The following COL26A1 variants were observed in gnomAD, a reference collection of about 807,000 sequenced individuals.
The protein encoded by COL26A1 is collagen alpha-1(XXVI) chain.
A neutral mutation model predicts 59.3 loss-of-function variants in COL26A1; 41 were observed. The ratio of observed to expected loss-of-function variants is 0.69; its 90% confidence interval spans 0.54 to 0.90. The LOEUF is 0.90. Ranked by LOEUF, COL26A1 falls within the 40% of genes least tolerant of loss-of-function variation. COL26A1 has a pLI of 0.00. For synonymous variants in COL26A1, 266 were observed against 256.0 expected, an observed-to-expected ratio of 1.04 and a Z score of -0.37; for missense variants, 612 against 602.3, an observed-to-expected ratio of 1.02 and a Z score of -0.17.
chr7:101,455,938 G>A (rs1353080992), intron 3 of COL26A1, among the ~76,000 whole-genome samples: 1 of 151,686 alleles, frequency 6.6e-6, no homozygotes, highest in Non-Finnish European at 1.5e-5. Context: ...CGCCTGCCTC[G>A]GCCTCCCAAA....
chr7:101,446,594 C>G (rs549347365), intron 2 of COL26A1, among the ~76,000 whole-genome samples: 16 of 152,292 alleles, frequency 1.1e-4, no homozygotes, highest in African/African-American at 3.6e-4. Flanking sequence ...CTCCTGTAAT[C>G]GCAGCACTTT....
At chr7:101,555,403 G>A (rs571083554) in intron 11 of COL26A1, among the ~76,000 whole-genome samples, 31 of 152,196 alleles carry the variant, frequency 2.0e-4, no homozygotes, top group Non-Finnish European at 3.7e-4. Context: ...CGGGCCCTGG[G>A]ATAGGTGCTC....
chr7:101,421,446 G>A (rs1050016730), intron 2 of COL26A1, among the ~76,000 whole-genome samples: 1 of 151,970 alleles, frequency 6.6e-6, no homozygotes, highest in African/African-American at 2.4e-5. Flanking sequence ...AGGATGAGGC[G>A]GGTGGATCAC....
At chr7:101,456,668 A>AT (rs1227769876) in intron 3 of COL26A1, among the ~76,000 whole-genome samples, 10 of 138,196 alleles carry the variant, frequency 7.2e-5, no homozygotes, top group Admixed American at 2.2e-4. Context: ...CATCTCAAAA[A>AT]ATTATATATA....
intron 2 of COL26A1, among the ~76,000 whole-genome samples, chr7:101,444,252 G>A (rs946724917): frequency 7.9e-5 from 12 of 151,716 alleles, no homozygotes; most frequent in African/African-American, 2.7e-4. Context: ...ATCTATGACC[G>A]CAATATAGCA....
intron 3 of COL26A1, among the ~76,000 whole-genome samples, chr7:101,494,392 G>T (rs777924693): frequency 2.6e-5 from 4 of 152,206 alleles, no homozygotes; most frequent in Admixed American, 6.5e-5. Context: ...CTCCCAGAAT[G>T]CAGGGATTAC....
rs528456846 is a variant in COL26A1 at position 101,372,859 on chromosome 7, G to A, written c.158+9669G>A. ...AAAAATAAAAAATTAGCCAGGTGTG[G>A]TGGAACACACCTGTAGTCTCAGCTA... On this transcript the variant is annotated intron_variant, in intron 1 of 12. Coordinates refer to ENST00000313669, the MANE Select transcript of COL26A1 (RefSeq NM_001278563.3). 1.4e-3 allele frequency among the ~76,000 whole-genome samples: 213 copies of A among 152,290 alleles called. 1 individual carries two copies. Among genetic ancestry groups the A allele is most frequent in the African/African-American group, 4.9e-3 (203 of 41,576 alleles).
At chr7:101,385,465 G>A (rs1319771902) in intron 1 of COL26A1, among the ~76,000 whole-genome samples, 1 of 151,132 alleles carries the variant, frequency 6.6e-6, no homozygotes, top group Non-Finnish European at 1.5e-5. Flanking sequence ...CCGCAGCCTG[G>A]GTTCAAGTGA....
At chr7:101,458,244 T>G (rs1793524257) in intron 3 of COL26A1, among the ~76,000 whole-genome samples, 1 of 152,194 alleles carries the variant, frequency 6.6e-6, no homozygotes, top group African/African-American at 2.4e-5. Context: ...ATTTCACCAG[T>G]AGATGTCCTA....
chr7:101,510,903 T>C (rs962748787), intron 3 of COL26A1, among the ~76,000 whole-genome samples: 1 of 146,350 alleles, frequency 6.8e-6, no homozygotes, highest in African/African-American at 2.5e-5. Flanking sequence ...TCTTTCTTTT[T>C]TTTTTTTTTT....
intron 3 of COL26A1, among the ~76,000 whole-genome samples, chr7:101,469,495 C>CTT (rs36116265): frequency 0.016 from 2,329 of 145,184 alleles, 55 homozygotes; most frequent in African/African-American, 0.056. Context: ...CGATTTCTCT[C>CTT]TTTTTTTTTT....
chr7:101,397,864 C>T (rs906411970), intron 1 of COL26A1, among the ~76,000 whole-genome samples: 7 of 152,228 alleles, frequency 4.6e-5, no homozygotes, highest in African/African-American at 1.7e-4. Context: ...AACTATACAG[C>T]TTGATGAGTT....
At chr7:101,380,747 A>G (rs1400785533) in intron 1 of COL26A1, among the ~76,000 whole-genome samples, 1 of 152,152 alleles carries the variant, frequency 6.6e-6, no homozygotes, top group African/African-American at 2.4e-5. Context: ...CTTAAACATC[A>G]CATCTTCAGG....
intron 1 of COL26A1, among the ~76,000 whole-genome samples, chr7:101,384,723 T>C (rs1007687395): frequency 6.6e-6 from 1 of 152,094 alleles, no homozygotes; most frequent in African/African-American, 2.4e-5. Flanking sequence ...TATATGTATA[T>C]ATGAAAGGGA....
intron 3 of COL26A1, among the ~76,000 whole-genome samples, chr7:101,506,938 T>A (rs113730742): frequency 6.6e-6 from 1 of 151,724 alleles, no homozygotes; most frequent in Non-Finnish European, 1.5e-5. Flanking sequence ...CTTTTTTTTT[T>A]CCCCCTCACT....
intron 3 of COL26A1, among the ~76,000 whole-genome samples, chr7:101,472,833 G>T (rs1793937353): frequency 6.6e-6 from 1 of 151,998 alleles, no homozygotes; most frequent in South Asian, 2.1e-4. Flanking sequence ...GATCTGCAGA[G>T]GGGGTGCACT....
At chr7:101,507,919 G>A (rs1450692917) in intron 3 of COL26A1, among the ~76,000 whole-genome samples, 1 of 152,102 alleles carries the variant, frequency 6.6e-6, no homozygotes, top group Non-Finnish European at 1.5e-5. Context: ...AGGAAAAAGC[G>A]CCCCTTCCTC....
At chr7:101,386,336 C>T (rs1373747304) in intron 1 of COL26A1, among the ~76,000 whole-genome samples, 1 of 149,408 alleles carries the variant, frequency 6.7e-6, no homozygotes, top group Non-Finnish European at 1.5e-5. Flanking sequence ...GTGGCACGAT[C>T]ACGGCTCACT....
intron 3 of COL26A1, among the ~76,000 whole-genome samples, chr7:101,454,149 CA>C (rs1793410322): frequency 6.6e-6 from 1 of 152,126 alleles, no homozygotes; most frequent in South Asian, 2.1e-4. Context: ...TTTGAGTCAC[CA>C]GACATGCATG....
Sources: allele counts gnomAD v4.1 joint callset (sites outside exome capture counted in the v4.1 genomes callset), GRCh38; gene constraint gnomAD v4.1.1; transcripts MANE v1.5; gene names NCBI Gene and HGNC (gene_info 2026-07-23, HGNC 2026-07-21).